Variants in DCAF13 observed in about 807,000 individuals in gnomAD.
The protein encoded by DCAF13 is DDB1 and CUL4 associated factor 13, also known as DDB1- and CUL4-associated factor 13.
A neutral mutation model predicts 59.0 loss-of-function variants in DCAF13; 38 were observed. The ratio of observed to expected loss-of-function variants is 0.64; its 90% CI spans 0.50 to 0.84. DCAF13 has a LOEUF of 0.84. Ranked by LOEUF, DCAF13 falls within the 40% of genes least tolerant of loss-of-function variation. The probability of loss-of-function intolerance (pLI) is 0.00; values close to 1 mark genes in which losing one functional copy is unlikely to be tolerated. For synonymous variants in DCAF13, 173 were observed against 175.0 expected, an observed-to-expected ratio of 0.99 and a Z score of 0.09; for missense variants, 469 against 558.4, an observed-to-expected ratio of 0.84 and a Z score of 1.61.
chr8:103,442,822 G>A lies in DCAF13; in HGVS notation c.1278G>A (p.Lys426=), dbSNP rs142773284. 1.7e-5 allele frequency: 28 copies of A among 1,606,624 alleles called. No individual in the cohort carries two copies. The African/African-American group carries it at 3.5e-4, about 20-fold the overall frequency. ...AAGTGAATCGTATTAAACACAGCAA[G>A]CCTGGATCTGTGCCACTTGTGTCAG... ...RKEVNRIKHS[K]PGSVPLVSEK... Residue 426 remains lysine (K), a synonymous_variant, in exon 11 of 11, where the codon AAG becomes AAA. Coordinates refer to ENST00000612750, the MANE Select transcript of DCAF13 (RefSeq NM_015420.7).
intron 5 of DCAF13, 69 bp downstream of exon 5, chr8:103,427,321 T>C (rs774567655): frequency 9.4e-6 from 13 of 1,383,244 alleles, no homozygotes; most frequent in Admixed American, 4.4e-5. Flanking sequence ...TAGAAAACTT[T>C]TGAATGTATG....
intron 3 of DCAF13, among the ~76,000 whole-genome samples, chr8:103,423,219 G>GTT (rs899476819): frequency 4.0e-5 from 6 of 151,706 alleles, no homozygotes; most frequent in African/African-American, 1.5e-4. Flanking sequence ...AGGACTTAGT[G>GTT]TATTTTTTTT....
At chr8:103,418,866 A>AT (rs1159489554) in intron 1 of DCAF13, among the ~76,000 whole-genome samples, 16 of 38,416 alleles carry the variant, frequency 4.2e-4, no homozygotes, top group East Asian at 1.4e-3. Flanking sequence ...ATATATATAT[A>AT]TTTTTTTTTT....
chr8:103,427,227 G>A lies in DCAF13; in HGVS notation c.599G>A (p.Ser200Asn), dbSNP rs1396400280. Residue 200 changes from serine (S) to asparagine (N), a missense_variant, in exon 5 of 11, where the codon AGT (serine) becomes AAT (asparagine). This residue lies in a region of DCAF13 where 355 missense variants were observed against 399.1 expected (regional missense o/e 0.89). Coordinates refer to ENST00000612750, the MANE Select transcript of DCAF13 (RefSeq NM_015420.7). ...CSMTWGFDSISSVKFNPIETF... is the reference protein window; with the variant it reads ...CSMTWGFDSINSVKFNPIETF... The stretch of plus-strand genomic sequence containing the variant: ...ATGACCTGGGGATTTGACAGTATAA[G>A]TAGTGTTAAATTTAACCCAATTGAG... 6.2e-7 allele frequency: 1 copy of A among 1,612,898 alleles called. No individual in the cohort carries two copies. Among genetic ancestry groups the A allele is most frequent in the Non-Finnish European group, 8.5e-7 (1 of 1,179,192 alleles).
rs1469218384 is a variant in DCAF13 at position 103,415,459 on chromosome 8, A to G, written c.13A>G (p.Met5Val). 6.2e-7 allele frequency: 1 copy of G among 1,613,890 alleles called. No homozygotes were observed. The highest frequency in any genetic ancestry group is 8.5e-7 in the Non-Finnish European group (1 of 1,179,936). ...AAGAGCAACCGAGATGAAGGTGAAG[A>G]TGCTGAGCCGGAATCCGGACAATTA... is the stretch of plus-strand genomic sequence containing the variant. MKVK[M>V]LSRNPDNYVR... is the part of the protein sequence containing the mutation. The change falls in exon 1 of 11, where the codon ATG (methionine) becomes GTG (valine). Residue 5 changes from methionine to valine, a missense_variant. By Grantham distance (21) the Met-to-Val change is conservative (BLOSUM62 1). Coordinates refer to ENST00000612750, the MANE Select transcript of DCAF13 (RefSeq NM_015420.7).
Position 103,418,866 on chromosome 8 carries a change from A to ATTT in DCAF13, c.71-1365_71-1363dup, listed in dbSNP as rs1159489554. Among the ~76,000 whole-genome samples the ATTT allele has an allele frequency of 3.1e-4, 12 of 38,426 alleles. 2 individuals carry two copies. The highest frequency in any genetic ancestry group is 4.8e-4 in the Non-Finnish European group (10 of 20,656). 25.2% of individuals were successfully genotyped at this position (38,426 alleles called of 152,430 possible). A position where few individuals can be genotyped will look rare whatever the true frequency, so the allele number is the denominator to read the frequency against. ...TATATATATATATATATATATATAT[A>ATTT]TTTTTTTTTTTTTTTTTTTTTTTTT... On this transcript the variant is annotated intron_variant, in intron 1 of 10. Coordinates refer to ENST00000612750, the MANE Select transcript of DCAF13 (RefSeq NM_015420.7).
chr8:103,415,477 G>C lies in DCAF13; in HGVS notation c.31G>C (p.Asp11His), dbSNP rs763306761. Residue 11 changes from aspartate to histidine, a missense_variant, in exon 1 of 11, where the codon GAC (aspartate) becomes CAC (histidine). Asp to His is a moderately conservative substitution (Grantham distance 81). Around this residue, in one of 3 missense-constraint regions of DCAF13, gnomAD observed 355 missense variants for 399.1 expected, o/e 0.89. Coordinates refer to ENST00000612750, the MANE Select transcript of DCAF13 (RefSeq NM_015420.7). MKVKMLSRNP[D>H]NYVRETKLDL... The stretch of plus-strand genomic sequence containing the variant: ...GGTGAAGATGCTGAGCCGGAATCCG[G>C]ACAATTATGTCCGCGAAACCAAGTT... The C allele has an allele frequency of 6.2e-7, 1 of 1,613,458 alleles. No homozygotes were observed. The highest frequency in any genetic ancestry group is 8.5e-7 in the Non-Finnish European group (1 of 1,179,536).
Position 103,441,623 on chromosome 8 carries a change from G to A in DCAF13, c.1250+5G>A, listed in dbSNP as rs748882760. 1 of 1,609,750 alleles carries A rather than the reference G, an allele frequency of 6.2e-7. No individual in the cohort carries two copies. On this transcript the variant is annotated splice_donor_5th_base_variant and intron_variant, in intron 10 of 10. Transcript: ENST00000612750. ...GAAAGAAGCTCGTCGACGAAAGTATGTTTTGAGGCATTTGACTCTATTACC... is the reference window on the plus strand; with the variant it reads ...GAAAGAAGCTCGTCGACGAAAGTATATTTTGAGGCATTTGACTCTATTACC...
chr8:103,418,866 ATTTTTTTTTTTTTTTTTTT>A (rs1159489554), intron 1 of DCAF13, among the ~76,000 whole-genome samples: 1,776 of 38,446 alleles, frequency 0.046, 66 homozygotes, highest in East Asian at 0.14. Context: ...ATATATATAT[ATTTTTTTTTTTTTTTTTTT>A]TTTTTTTTTT....
chr8:103,429,825 A>G (rs1816837858), intron 5 of DCAF13: 1 of 152,198 alleles, frequency 6.6e-6, no homozygotes, highest in Non-Finnish European at 1.5e-5. Flanking sequence ...CATATCCCAC[A>G]TTGTAGTGTA....
intron 7 of DCAF13, 26 bp downstream of exon 7, chr8:103,432,767 G>C (rs762639048): frequency 7.1e-7 from 1 of 1,413,606 alleles, no homozygotes; most frequent in Non-Finnish European, 1.0e-6. Flanking sequence ...TTAAAAACTT[G>C]TGTATTTCTA....
chr8:103,421,139 A>C, intron 3 of DCAF13, 57 bp downstream of exon 3: 1 of 1,164,140 alleles, frequency 8.6e-7, no homozygotes, highest in Non-Finnish European at 1.3e-6. Flanking sequence ...GAATAATCTA[A>C]TTGAATACAT....
rs1402370491 is a variant in DCAF13, at chr8:103,418,119, C to T, written c.71-2145C>T. 2.0e-5 allele frequency among the ~76,000 whole-genome samples: 3 copies of T among 150,406 alleles called. No individual in the cohort carries two copies. The East Asian group carries it at 5.8e-4, about 29-fold the overall frequency. ...CTCCAGCCTGGGCAACAGAGCAAGA[C>T]TCCGTCTCAAAAAAAAAAGAAAAAA... On this transcript the variant is annotated intron_variant, in intron 1 of 10. Transcript: ENST00000612750.
chr8:103,434,088 T>C (rs1816901323), intron 7 of DCAF13, among the ~76,000 whole-genome samples: 1 of 152,116 alleles, frequency 6.6e-6, no homozygotes. Context: ...AGTATCATAA[T>C]TGCTCTTTGA....
intron 8 of DCAF13, among the ~76,000 whole-genome samples, chr8:103,436,574 T>G (rs1816937722): frequency 6.6e-6 from 1 of 152,192 alleles, no homozygotes; most frequent in Non-Finnish European, 1.5e-5. Context: ...CAGTATCTAT[T>G]TATACATCTA....
intron 3 of DCAF13, among the ~76,000 whole-genome samples, chr8:103,425,699 A>G (rs556021573): frequency 1.6e-4 from 24 of 152,272 alleles, no homozygotes; most frequent in African/African-American, 2.6e-4. Context: ...CACATAAGGC[A>G]TCAAATTGGC....
At position 103,415,413 on chromosome 8, in the gene DCAF13, C is replaced by T. The variant is rs200381394; in HGVS notation, c.-34C>T. ...GGCGGTGGGCGGAACTCCTAGCGGA[C>T]ACCTCGTGGAGTCCGGCCGGAAGAG... On this transcript the variant is annotated 5_prime_UTR_variant, in exon 1 of 11. Transcript: ENST00000612750. 3.8e-5 allele frequency: 61 copies of T among 1,614,072 alleles called. No individual in the cohort carries two copies. Among genetic ancestry groups the T allele is most frequent in the African/African-American group, 3.7e-4 (28 of 75,014 alleles).
At chr8:103,424,681 A>G (rs1816766855) in intron 3 of DCAF13, among the ~76,000 whole-genome samples, 1 of 152,220 alleles carries the variant, frequency 6.6e-6, no homozygotes, top group African/African-American at 2.4e-5. Context: ...TTGAGCTTGC[A>G]GACACTATCA....
chr8:103,419,636 G>A (rs1413537664), intron 1 of DCAF13, among the ~76,000 whole-genome samples: 1 of 152,154 alleles, frequency 6.6e-6, no homozygotes, highest in African/African-American at 2.4e-5. Context: ...ACTGTGCTAG[G>A]CATAAGGAAG....
Sources: gnomAD v4.1 joint callset for allele counts (sites outside exome capture counted in the v4.1 genomes callset) on GRCh38, gnomAD v4.1.1 for gene constraint, gnomAD v4.1.1 regional missense constraint, MANE v1.5 for transcripts, NCBI Gene and HGNC (gene_info 2026-07-23, HGNC 2026-07-21) for gene names.